The following ANKRD31 variants were observed in gnomAD, a reference collection of about 807,000 sequenced individuals.
ANKRD31 encodes the protein ankyrin repeat domain-containing protein 31.
ANKRD31 carries 147 observed loss-of-function variants against 186.0 expected under a neutral mutation model. The ratio of observed to expected loss-of-function variants is 0.79; its 90% CI spans 0.69 to 0.91. The LOEUF is 0.91. Among genes scored for constraint, ANKRD31 ranks in the 40% least tolerant of loss-of-function variants. ANKRD31 has a pLI of 0.00. For missense variants in ANKRD31, 1,986 were observed against 2,148.8 expected (o/e 0.92, Z 1.50); for synonymous variants, 673 against 736.4 (o/e 0.91, Z 1.39).
intron 19 of ANKRD31, 117 bp downstream of exon 19, chr5:75,116,449 A>G (rs938698888): frequency 1.3e-5 from 5 of 379,062 alleles, no homozygotes; most frequent in African/African-American, 6.3e-5. Flanking sequence ...TAAATAAAAA[A>G]TTTCTATCTT....
rs915005857 is a variant in ANKRD31, at chr5:75,172,934, A to C, written c.1565-3813T>G. On this transcript the variant is annotated intron_variant, in intron 10 of 25. Coordinates refer to ENST00000506364, the MANE Select transcript of ANKRD31 (RefSeq NM_001372053.1). ...CCAAAGCCTGGCAGAGACACAACAAAAAAAGAGAATTTTAGACCAATATCC... is the reference window on the plus strand; with the variant it reads ...CCAAAGCCTGGCAGAGACACAACAACAAAAGAGAATTTTAGACCAATATCC... Among the ~76,000 whole-genome samples, 11 of 152,308 alleles carry C rather than the reference A, an allele frequency of 7.2e-5. No individual in the cohort carries two copies. In the East Asian group the frequency reaches 1.7e-3, roughly 24 times the overall value.
chr5:75,178,260 C>T (rs188711652), intron 10 of ANKRD31, among the ~76,000 whole-genome samples: 580 of 152,284 alleles, frequency 3.8e-3, no homozygotes, highest in African/African-American at 0.013. Flanking sequence ...TACAAAGAGA[C>T]TTAGACTCCC....
At chr5:75,154,962 C>T (rs912877968) in intron 11 of ANKRD31, among the ~76,000 whole-genome samples, 1 of 152,224 alleles carries the variant, frequency 6.6e-6, no homozygotes, top group African/African-American at 2.4e-5. Context: ...CAGAGAAAAA[C>T]GACTTCTCCT....
chr5:75,116,261 G>A (rs1211603472), intron 19 of ANKRD31, among the ~76,000 whole-genome samples: 1 of 116,500 alleles, frequency 8.6e-6, no homozygotes, highest in African/African-American at 3.2e-5. Flanking sequence ...GACTGTTGTG[G>A]GGTGGGGGGA....
intron 20 of ANKRD31, 126 bp downstream of exon 20, chr5:75,112,387 A>C: frequency 3.5e-6 from 2 of 573,962 alleles, no homozygotes; most frequent in South Asian, 5.2e-5. Flanking sequence ...TAGCACTTTA[A>C]ATACTCTCAC....
At chr5:75,078,129 A>C (rs922159055) in intron 25 of ANKRD31, among the ~76,000 whole-genome samples, 2 of 152,140 alleles carry the variant, frequency 1.3e-5, no homozygotes, top group African/African-American at 4.8e-5. Context: ...AGAGTGAAAA[A>C]AATTAAGATT....
chr5:75,174,636 T>C (rs941900827), intron 10 of ANKRD31, among the ~76,000 whole-genome samples: 2 of 152,152 alleles, frequency 1.3e-5, no homozygotes, highest in Non-Finnish European at 2.9e-5. Flanking sequence ...AAAATGCTCA[T>C]CATCACTGAT....
chr5:75,163,307 A>G (rs934583063), intron 11 of ANKRD31, among the ~76,000 whole-genome samples: 1 of 152,180 alleles, frequency 6.6e-6, no homozygotes, highest in African/African-American at 2.4e-5. Context: ...CACAGAGCAG[A>G]AAATAAGCAA....
chr5:75,140,212 G>GAAA (rs1750908677), intron 15 of ANKRD31, among the ~76,000 whole-genome samples: 1 of 124,962 alleles, frequency 8.0e-6, no homozygotes, highest in Admixed American at 8.6e-5. Context: ...TCAAAAAAAA[G>GAAA]AAAAGAAAAG....
At chr5:75,158,906 A>G (rs1254508605) in intron 11 of ANKRD31, among the ~76,000 whole-genome samples, 1 of 152,192 alleles carries the variant, frequency 6.6e-6, no homozygotes, top group Non-Finnish European at 1.5e-5. Context: ...GAGGGCCTAT[A>G]TGTGCAAAAA....
At chr5:75,155,261 G>GGTAT (rs145786907) in intron 11 of ANKRD31, among the ~76,000 whole-genome samples, 2,343 of 151,768 alleles carry the variant, frequency 0.015, 70 homozygotes, top group African/African-American at 0.053. Context: ...TAGTCCAATA[G>GGTAT]GTATGTATGT....
intron 22 of ANKRD31, among the ~76,000 whole-genome samples, chr5:75,099,594 T>A (rs1475518301): frequency 6.6e-6 from 1 of 152,246 alleles, no homozygotes; most frequent in Non-Finnish European, 1.5e-5. Flanking sequence ...TATTAATTAT[T>A]GCTTCATTTT....
intron 17 of ANKRD31, among the ~76,000 whole-genome samples, chr5:75,118,524 G>T (rs1414262403): frequency 6.6e-6 from 1 of 152,114 alleles, no homozygotes. Context: ...AGTACAATAT[G>T]CTGCCTTCAT....
intron 25 of ANKRD31, among the ~76,000 whole-genome samples, chr5:75,073,929 A>G (rs1461410564): frequency 1.8e-4 from 27 of 152,152 alleles, no homozygotes; most frequent in Non-Finnish European, 1.5e-5. Flanking sequence ...GTTTTGATTT[A>G]TATCTTTCTC....
intron 17 of ANKRD31, among the ~76,000 whole-genome samples, chr5:75,134,309 A>G (rs4535010): frequency 0.51 from 77,033 of 151,920 alleles, 22,563 homozygotes; most frequent in African/African-American, 0.82. Flanking sequence ...TCAAATAGAC[A>G]CAATAAAAAT....
chr5:75,085,158 C>T (rs190380897), intron 23 of ANKRD31, among the ~76,000 whole-genome samples: 1 of 152,272 alleles, frequency 6.6e-6, no homozygotes, highest in East Asian at 1.9e-4. Context: ...AGGAATGATC[C>T]TCCTCTAGGT....
intron 3 of ANKRD31, among the ~76,000 whole-genome samples, chr5:75,217,990 G>A (rs1188103606): frequency 2.0e-5 from 3 of 152,012 alleles, no homozygotes; most frequent in Admixed American, 6.6e-5. Context: ...GTCTCAAAAG[G>A]ATCTTATTTC....
Position 75,195,706 on chromosome 5 carries a change from G to A in ANKRD31, c.942C>T (p.Leu314=), listed in dbSNP as rs1264925244. Residue 314 remains leucine, a synonymous_variant, in exon 7 of 26, where the codon CTC becomes CTT. Coordinates refer to ENST00000506364, the MANE Select transcript of ANKRD31 (RefSeq NM_001372053.1). ...CTTCTAAACATTCATTTCTGGCAAT[G>A]AGACTGCTACCTCCCTCTTTTCTGT... ...ICHRKEGGSS[L]IARNECLEVE... 1 of 1,537,546 alleles carries A rather than the reference G, an allele frequency of 6.5e-7. No homozygotes were observed. Among genetic ancestry groups the A allele is most frequent in the Admixed American group, 2.0e-5 (1 of 50,988 alleles).
chr5:75,122,980 A>G (rs1748922401), intron 17 of ANKRD31, among the ~76,000 whole-genome samples: 1 of 152,160 alleles, frequency 6.6e-6, no homozygotes, highest in Admixed American at 6.6e-5. Flanking sequence ...AAGTTGGAAA[A>G]GAGGAAGTCA....
Sources: gnomAD v4.1 joint callset for allele counts (sites outside exome capture counted in the v4.1 genomes callset) on GRCh38, gnomAD v4.1.1 for gene constraint, MANE v1.5 for transcripts, NCBI Gene and HGNC (gene_info 2026-07-23, HGNC 2026-07-21) for gene names.